The following ADCY8 variants were observed in gnomAD, a reference collection of about 807,000 sequenced individuals.
ADCY8 encodes adenylate cyclase 8, also known as adenylate cyclase type 8.
Under a neutral mutation model 119.7 loss-of-function variants are expected in ADCY8, and 51 were observed. That is an observed-to-expected ratio of 0.43 (90% CI 0.34 to 0.54). The LOEUF is 0.54. ADCY8 is among the 20% of genes least tolerant of loss of function. The pLI is 0.03. For synonymous variants in ADCY8, 665 were observed against 651.0 expected, an observed-to-expected ratio of 1.02 and a Z score of -0.33; for missense variants, 1,383 against 1,598.8, an observed-to-expected ratio of 0.87 and a Z score of 2.30.
intron 5 of ADCY8, among the ~76,000 whole-genome samples, chr8:130,926,296 C>G (rs190847284): frequency 2.7e-5 from 4 of 148,824 alleles, no homozygotes; most frequent in South Asian, 2.1e-4. Context: ...ATTGTTCAAG[C>G]CTTTGTTTCC....
chr8:130,828,379 G>A (rs1388683067), intron 12 of ADCY8, among the ~76,000 whole-genome samples: 2 of 151,742 alleles, frequency 1.3e-5, no homozygotes, highest in Non-Finnish European at 2.9e-5. Flanking sequence ...GGCCTGGAGG[G>A]CACATGGCAC....
At chr8:131,019,678 T>C (rs549086049) in intron 1 of ADCY8, among the ~76,000 whole-genome samples, 116 of 152,242 alleles carry the variant, frequency 7.6e-4, no homozygotes, top group African/African-American at 2.7e-3. Flanking sequence ...TACTCTTAGA[T>C]AAATACTTAA....
intron 11 of ADCY8, among the ~76,000 whole-genome samples, chr8:130,847,043 A>C (rs1817352014): frequency 6.6e-6 from 1 of 151,650 alleles, no homozygotes; most frequent in Admixed American, 6.6e-5. Context: ...TAGAGATAAC[A>C]GTGCATTCTG....
chr8:130,914,123 C>T (rs1286519611), intron 5 of ADCY8, among the ~76,000 whole-genome samples: 1 of 152,114 alleles, frequency 6.6e-6, no homozygotes, highest in Non-Finnish European at 1.5e-5. Context: ...AGTAGGATTC[C>T]AGGACTAAAC....
chr8:130,975,297 C>A (rs764102563), intron 2 of ADCY8, among the ~76,000 whole-genome samples: 2 of 152,186 alleles, frequency 1.3e-5, no homozygotes, highest in Non-Finnish European at 2.9e-5. Context: ...CCACTCCATA[C>A]CCAAAGAACA....
At chr8:130,945,420 G>A (rs1821079133) in intron 3 of ADCY8, among the ~76,000 whole-genome samples, 1 of 152,220 alleles carries the variant, frequency 6.6e-6, no homozygotes, top group Non-Finnish European at 1.5e-5. Flanking sequence ...CATATGCACA[G>A]AATTTGAGTC....
rs140952189 is a variant in ADCY8, at chr8:131,025,575, G to A, written c.960+13799C>T. ...GACAGACCCTGCTCTCAAAGAGCAC[G>A]TTGTTTAACAGTAGAGACAAATAAA... is the stretch of plus-strand genomic sequence containing the variant. On this transcript the variant is annotated intron_variant, in intron 1 of 17. Coordinates refer to ENST00000286355, the MANE Select transcript of ADCY8 (RefSeq NM_001115.3). Among the ~76,000 whole-genome samples the A allele has an allele frequency of 8.5e-4, 129 of 152,318 alleles. No homozygotes were observed. The East Asian group carries it at 0.016, about 19-fold the overall frequency.
chr8:130,991,016 A>G (rs537564799), intron 1 of ADCY8, among the ~76,000 whole-genome samples: 34 of 152,316 alleles, frequency 2.2e-4, no homozygotes, highest in African/African-American at 7.9e-4. Flanking sequence ...GTCTTCTTGG[A>G]TAGAATCCAA....
At position 130,979,531 on chromosome 8, in the gene ADCY8, G is replaced by A. The variant is rs115513394; in HGVS notation, c.1110+10862C>T. On this transcript the variant is annotated intron_variant, in intron 2 of 17. Transcript: ENST00000286355. Reference sequence around the variant, plus strand: ...GTGCCCATGTGGAAGGGAGGGCTAGGGCCCTCCCAGTGGAGAGAGGGGTAG... The same window carrying A: ...GTGCCCATGTGGAAGGGAGGGCTAGAGCCCTCCCAGTGGAGAGAGGGGTAG... Among the ~76,000 whole-genome samples, 616 of 152,278 alleles carry A rather than the reference G, an allele frequency of 4.0e-3. 3 individuals carry two copies. Among genetic ancestry groups the A allele is most frequent in the African/African-American group, 0.014 (595 of 41,560 alleles).
At chr8:130,859,071 C>T (rs967551898) in intron 9 of ADCY8, among the ~76,000 whole-genome samples, 8 of 152,182 alleles carry the variant, frequency 5.3e-5, no homozygotes, top group African/African-American at 1.4e-4. Flanking sequence ...TATTGGATAT[C>T]GGCATTAGAA....
chr8:131,018,374 C>T (rs1823547562), intron 1 of ADCY8, among the ~76,000 whole-genome samples: 1 of 152,142 alleles, frequency 6.6e-6, no homozygotes, highest in Non-Finnish European at 1.5e-5. Context: ...ATTAATCATG[C>T]TTCTTTCTTG....
chr8:130,864,859 A>G (rs986823189), intron 9 of ADCY8, among the ~76,000 whole-genome samples: 2 of 152,086 alleles, frequency 1.3e-5, no homozygotes, highest in African/African-American at 4.8e-5. Flanking sequence ...TCTGAGTTTG[A>G]TTCTGATGAT....
chr8:131,036,301 A>T (rs1166440193), intron 1 of ADCY8, among the ~76,000 whole-genome samples: 3 of 152,178 alleles, frequency 2.0e-5, no homozygotes, highest in Non-Finnish European at 4.4e-5. Context: ...AAAGTAAAGG[A>T]TTATTATTGT....
Position 130,821,419 on chromosome 8 carries a change from C to G in ADCY8, c.2677G>C (p.Asp893His). The G allele has an allele frequency of 6.2e-7, 1 of 1,612,566 alleles. No individual in the cohort carries two copies. The highest frequency in any genetic ancestry group is 1.1e-5 in the South Asian group (1 of 90,914). Residue 893 changes from aspartate to histidine, a missense_variant and splice_region_variant, in exon 13 of 18, where the codon GAT becomes CAT. Transcript: ENST00000286355. ...RYDNLNHSGE[D>H]FLGTKEVSLL... The stretch of plus-strand genomic sequence containing the variant: ...GATACCTCCTTGGTCCCCAGGAAAT[C>G]TCTGTTGGAAGAAAAAAGGAACTGA...
chr8:130,973,162 T>C (rs1311986985), intron 2 of ADCY8, among the ~76,000 whole-genome samples: 2 of 152,264 alleles, frequency 1.3e-5, no homozygotes, highest in Non-Finnish European at 2.9e-5. Context: ...GTGTGTTTTT[T>C]GTCCAGTTGT....
rs201691553 is a variant in ADCY8 at position 130,832,334 on chromosome 8, C to T, written c.2675+3943G>A. On this transcript the variant is annotated intron_variant, in intron 12 of 17. Coordinates refer to ENST00000286355, the MANE Select transcript of ADCY8 (RefSeq NM_001115.3). ...ATTCAGGGCCATCCCAATGAAGATG[C>T]GGCCAGGTTGTTGTGTCCAGGGTTT... Among the ~76,000 whole-genome samples the T allele has an allele frequency of 4.6e-5, 7 of 152,174 alleles. No individual in the cohort carries two copies. The East Asian group carries it at 9.6e-4, about 21-fold the overall frequency.
At chr8:131,022,141 T>C (rs1823690201) in intron 1 of ADCY8, among the ~76,000 whole-genome samples, 1 of 152,232 alleles carries the variant, frequency 6.6e-6, no homozygotes, top group South Asian at 2.1e-4. Context: ...ATTATTATTA[T>C]ACTTTAAGTT....
chr8:130,822,477 A>G (rs1449146701), intron 12 of ADCY8, among the ~76,000 whole-genome samples: 1 of 151,542 alleles, frequency 6.6e-6, no homozygotes, highest in Non-Finnish European at 1.5e-5. Flanking sequence ...GTCATCCTGC[A>G]TTTTAGGGCT....
At chr8:130,975,069 G>A (rs1445528012) in intron 2 of ADCY8, among the ~76,000 whole-genome samples, 2 of 152,190 alleles carry the variant, frequency 1.3e-5, no homozygotes, top group Non-Finnish European at 2.9e-5. Flanking sequence ...TCTATCAAGA[G>A]AGAATTTCAC....
Sources: allele counts gnomAD v4.1 joint callset (sites outside exome capture counted in the v4.1 genomes callset), GRCh38; gene constraint gnomAD v4.1.1; transcripts MANE v1.5; gene names NCBI Gene and HGNC (gene_info 2026-07-23, HGNC 2026-07-21).